CPEB2: variants seen among roughly 807,000 people sequenced by gnomAD.
CPEB2 encodes the protein cytoplasmic polyadenylation element-binding protein 2.
In CPEB2, 56 loss-of-function variants were observed where a neutral mutation model predicts 93.6. The ratio of observed to expected loss-of-function variants is 0.60; its 90% confidence interval spans 0.48 to 0.75. The LOEUF is 0.75. CPEB2 is among the 30% of genes least tolerant of loss of function. CPEB2 has a pLI of 0.00. For missense variants in CPEB2, 1,579 were observed against 1,395.1 expected, an observed-to-expected ratio of 1.13 and a Z score of -2.10; for synonymous variants, 764 against 586.3, an observed-to-expected ratio of 1.30 and a Z score of -4.38.
intron 10 of CPEB2, among the ~76,000 whole-genome samples, 189 bp from the exon 11 acceptor site, chr4:15,061,890 G>C (rs1049388426): frequency 4.0e-5 from 6 of 149,690 alleles, no homozygotes; most frequent in African/African-American, 1.5e-4. Flanking sequence ...TGATGGTGGT[G>C]AGTCACTTTA....
At chr4:15,006,743 G>A (rs1269076876) in intron 1 of CPEB2, among the ~76,000 whole-genome samples, 2 of 152,114 alleles carry the variant, frequency 1.3e-5, no homozygotes, top group Non-Finnish European at 2.9e-5. Flanking sequence ...AATAAACAAT[G>A]CAGAAAAATG....
chr4:15,033,914 A>G (rs1726360334), intron 5 of CPEB2, among the ~76,000 whole-genome samples: 1 of 149,234 alleles, frequency 6.7e-6, no homozygotes, highest in South Asian at 2.2e-4. Context: ...AAATAGTATT[A>G]ATATTTACTT....
rs1729809926 is a variant in CPEB2, at chr4:15,067,850, T to G, written c.*1470T>G. On this transcript the variant is annotated 3_prime_UTR_variant, in exon 12 of 12. Coordinates refer to ENST00000538197, the MANE Select transcript of CPEB2 (RefSeq NM_001177382.2). ...TTGTTCTTAATAGTTGAGAATTGCT[T>G]TTTTGAAAATTTTCATGAAGGAATT... 1 of 152,406 alleles carries G rather than the reference T, an allele frequency of 6.6e-6. No homozygotes were observed. Among genetic ancestry groups the G allele is most frequent in the African/African-American group, 2.4e-5 (1 of 41,412 alleles). The allele number at this position is 152,406 out of a possible 1,614,324, so 9.4% of individuals were successfully genotyped here. A position where few individuals can be genotyped will look rare whatever the true frequency, so the allele number is the denominator to read the frequency against.
At chr4:15,011,082 ATC>A (rs1433863328) in intron 3 of CPEB2, among the ~76,000 whole-genome samples, 1 of 150,102 alleles carries the variant, frequency 6.7e-6, no homozygotes. Flanking sequence ...TTACATACAT[ATC>A]TCTATGAATT....
rs1339017018 is a variant in CPEB2 at position 15,004,299 on chromosome 4, C to A, written c.1626C>A (p.Ala542=). 1 of 1,492,644 alleles carries A rather than the reference C, an allele frequency of 6.7e-7. No homozygotes were observed. Among genetic ancestry groups the A allele is most frequent in the African/African-American group, 1.5e-5 (1 of 68,366 alleles). 92.5% of individuals were successfully genotyped at this position (1,492,644 alleles called of 1,614,324 possible). A position where few individuals can be genotyped will look rare whatever the true frequency, so the allele number is the denominator to read the frequency against. The change falls in exon 1 of 12, where the codon GCC becomes GCA. Residue 542 remains alanine (A), a synonymous_variant. Coordinates refer to ENST00000538197, the MANE Select transcript of CPEB2 (RefSeq NM_001177382.2). ...AGCAGCACCAGGCGGCGGCCGCCGCCTTCCTGCAGCAGAGGAACTCCTATA... is the reference window on the plus strand; with the variant it reads ...AGCAGCACCAGGCGGCGGCCGCCGCATTCCTGCAGCAGAGGAACTCCTATA... ...LQQQHQAAAA[A]FLQQRNSYNH... is the part of the protein sequence containing the mutation.
At position 15,066,280 on chromosome 4, in the gene CPEB2, G is replaced by A; in HGVS notation, c.3005G>A (p.Cys1002Tyr). The change falls in exon 12 of 12, where the codon TGT becomes TAT. Residue 1002 changes from cysteine (C) to tyrosine (Y), a missense_variant. Physicochemically the swap from Cys to Tyr is radical, Grantham distance 194 (BLOSUM62 -2). Coordinates refer to ENST00000538197, the MANE Select transcript of CPEB2 (RefSeq NM_001177382.2). Reference sequence around the variant, plus strand: ...TGCCTGCAGTATTACTGTGAGTTTTGTTGGGCAAATATCCACTCTCGTGCT... The same window carrying A: ...TGCCTGCAGTATTACTGTGAGTTTTATTGGGCAAATATCCACTCTCGTGCT... ...VTCLQYYCEFCWANIHSRAGR... is the reference protein window; with the variant it reads ...VTCLQYYCEFYWANIHSRAGR... 1 of 1,613,466 alleles carries A rather than the reference G, an allele frequency of 6.2e-7. No individual in the cohort carries two copies. The highest frequency in any genetic ancestry group is 8.5e-7 in the Non-Finnish European group (1 of 1,179,682).
At chr4:15,028,898 T>C (rs1394520307) in intron 4 of CPEB2, among the ~76,000 whole-genome samples, 1 of 152,152 alleles carries the variant, frequency 6.6e-6, no homozygotes, top group African/African-American at 2.4e-5. Flanking sequence ...TTTTATACAG[T>C]TGTCATATTT....
chr4:15,002,978 C>A lies in CPEB2; in HGVS notation c.305C>A (p.Thr102Lys). The A allele has an allele frequency of 6.6e-7, 1 of 1,506,950 alleles. No homozygotes were observed. Among genetic ancestry groups the A allele is most frequent in the Non-Finnish European group, 8.8e-7 (1 of 1,138,032 alleles). The allele number at this position is 1,506,950 out of a possible 1,614,324, so 93.3% of individuals were successfully genotyped here. ...CAGGATGAGCTGCTTCTGGGGCTGACACAGCAGCCGGCGCGGCCGCTTTCG... is the reference window on the plus strand; with the variant it reads ...CAGGATGAGCTGCTTCTGGGGCTGAAACAGCAGCCGGCGCGGCCGCTTTCG... The part of the protein sequence containing the change: ...TMQDELLLGL[T>K]QQPARPLSGA... The change falls in exon 1 of 12, where the codon ACA becomes AAA. Residue 102 changes from threonine (T) to lysine (K), a missense_variant. Coordinates refer to ENST00000538197, the MANE Select transcript of CPEB2 (RefSeq NM_001177382.2).
At chr4:15,011,626 A>AC (rs1338473670) in intron 3 of CPEB2, among the ~76,000 whole-genome samples, 2 of 151,688 alleles carry the variant, frequency 1.3e-5, no homozygotes, top group Admixed American at 6.6e-5. Flanking sequence ...ACAAGACACC[A>AC]CCCCCTCTTC....
chr4:15,060,731 AT>A (rs1316041930), intron 10 of CPEB2, among the ~76,000 whole-genome samples: 1 of 152,084 alleles, frequency 6.6e-6, no homozygotes, highest in East Asian at 1.9e-4. Flanking sequence ...TTTTTTATGT[AT>A]TTTTATGGTG....
intron 3 of CPEB2, among the ~76,000 whole-genome samples, chr4:15,016,525 A>G (rs747172517): frequency 4.6e-5 from 7 of 152,056 alleles, no homozygotes; most frequent in Non-Finnish European, 1.0e-4. Flanking sequence ...TCTCTCCTCC[A>G]CCTGCCTATT....
intron 4 of CPEB2, among the ~76,000 whole-genome samples, chr4:15,025,444 C>T (rs1016467142): frequency 1.3e-5 from 2 of 151,760 alleles, no homozygotes; most frequent in African/African-American, 4.8e-5. Context: ...AAAAGTAAGA[C>T]ACAAAAAATG....
rs1723565667 is a variant in CPEB2 at position 15,012,051 on chromosome 4, A to G, written c.2034+3624A>G. Among the ~76,000 whole-genome samples the G allele has an allele frequency of 2.0e-5, 3 of 152,214 alleles. No homozygotes were observed. The South Asian group carries it at 6.2e-4, about 32-fold the overall frequency. ...TTATTTGAATCTTTACTCACCTTAC[A>G]CACAAAAAAACAGTATATAGTTGCA... On this transcript the variant is annotated intron_variant, in intron 3 of 11. Transcript: ENST00000538197.
intron 6 of CPEB2, among the ~76,000 whole-genome samples, chr4:15,043,834 AATAATTTT>A (rs1452966189): frequency 1.3e-5 from 2 of 152,144 alleles, no homozygotes; most frequent in African/African-American, 4.8e-5. Flanking sequence ...AGATAGGAGA[AATAATTTT>A]AAAGGGAGAC....
At chr4:15,016,496 A>T (rs1235032478) in intron 3 of CPEB2, among the ~76,000 whole-genome samples, 1 of 151,970 alleles carries the variant, frequency 6.6e-6, no homozygotes, top group African/African-American at 2.4e-5. Flanking sequence ...ACTTAATGAG[A>T]TTACTGTGCT....
rs139440702 is a variant in CPEB2, at chr4:15,025,943, G to T, written c.2126-7218G>T. Among the ~76,000 whole-genome samples, 445 of 152,158 alleles carry T rather than the reference G, an allele frequency of 2.9e-3. 5 individuals carry two copies. Among genetic ancestry groups the T allele is most frequent in the African/African-American group, 0.011 (439 of 41,508 alleles). ...GTTCTAGTGTCTTTATCCTAATGGG[G>T]TTATGCCTCTTTAAAAATCTTTTTG... On this transcript the variant is annotated intron_variant, in intron 4 of 11. Coordinates refer to ENST00000538197, the MANE Select transcript of CPEB2 (RefSeq NM_001177382.2).
At chr4:15,023,859 C>A (rs1391490578) in intron 4 of CPEB2, among the ~76,000 whole-genome samples, 1 of 151,854 alleles carries the variant, frequency 6.6e-6, no homozygotes, top group East Asian at 1.9e-4. Context: ...ACTTAATATC[C>A]TTCAATATTT....
Position 15,003,820 on chromosome 4 carries a change from TG to T in CPEB2, c.1149del (p.Trp383CysfsTer75). On this transcript the variant is annotated frameshift_variant, in exon 1 of 12. Transcript: ENST00000538197. LOFTEE classifies it high-confidence loss of function. Reference sequence around the variant, plus strand: ...GCCGCTGCCCGGCTTCGGCACCCCCTGGTCGGTGCAGACCGCGTCGCCGCCA... The same window carrying T: ...GCCGCTGCCCGGCTTCGGCACCCCCTGTCGGTGCAGACCGCGTCGCCGCCA... ...PPPLPGFGTPWSVQTASPPPQ... is the reference protein window; with the variant it reads ...PPPLPGFGTPXSVQTASPPPQ... The T allele has an allele frequency of 1.0e-6, 1 of 953,132 alleles. No homozygotes were observed. Among genetic ancestry groups the T allele is most frequent in the Non-Finnish European group, 1.3e-6 (1 of 742,664 alleles). 59.0% of individuals were successfully genotyped at this position (953,132 alleles called of 1,614,324 possible).
rs772109831 is a variant in CPEB2 at position 15,067,305 on chromosome 4, C to T, written c.*925C>T. On this transcript the variant is annotated 3_prime_UTR_variant, in exon 12 of 12. Coordinates refer to ENST00000538197, the MANE Select transcript of CPEB2 (RefSeq NM_001177382.2). ...TTTAAAAAATCGTCTTACATGTGTA[C>T]AATATGCAAATTAGTTTTAGATTAG... 6 of 152,396 alleles carry T rather than the reference C, an allele frequency of 3.9e-5. No individual in the cohort carries two copies. Among genetic ancestry groups the T allele is most frequent in the Non-Finnish European group, 7.4e-5 (5 of 67,962 alleles). The allele number at this position is 152,396 out of a possible 1,614,324, so 9.4% of individuals were successfully genotyped here.
Sources: allele counts gnomAD v4.1 joint callset (sites outside exome capture counted in the v4.1 genomes callset), GRCh38; gene constraint gnomAD v4.1.1; transcripts MANE v1.5; gene names NCBI Gene and HGNC (gene_info 2026-07-23, HGNC 2026-07-21).